The following KCNK1 variants were observed in gnomAD, a reference collection of about 807,000 sequenced individuals.
KCNK1 encodes the protein potassium two pore domain channel subfamily K member 1, also known as potassium channel subfamily K member 1.
A neutral mutation model predicts 22.2 loss-of-function variants in KCNK1; 10 were observed. That is an observed-to-expected ratio of 0.45 (90% CI 0.28 to 0.76). KCNK1 has a LOEUF of 0.76. Ranked by LOEUF, KCNK1 falls within the 30% of genes least tolerant of loss-of-function variation. The pLI is 0.14. For synonymous variants in KCNK1, 200 were observed against 186.4 expected, an observed-to-expected ratio of 1.07 and a Z score of -0.60; for missense variants, 378 against 421.0, an observed-to-expected ratio of 0.90 and a Z score of 0.89.
At chr1:233,635,929 C>T (rs546819369) in intron 1 of KCNK1, among the ~76,000 whole-genome samples, 1 of 152,224 alleles carries the variant, frequency 6.6e-6, no homozygotes, top group East Asian at 1.9e-4. Flanking sequence ...TATACAGTGA[C>T]TTGGGTAGGC....
chr1:233,671,390 G>A lies in KCNK1; in HGVS notation c.871G>A (p.Val291Met). The A allele has an allele frequency of 6.2e-7, 1 of 1,614,192 alleles. No individual in the cohort carries two copies. The highest frequency in any genetic ancestry group is 8.5e-7 in the Non-Finnish European group (1 of 1,180,040). Residue 291 changes from valine to methionine, a missense_variant, in exon 3 of 3, where the codon GTG becomes ATG. By Grantham distance (21) the Val-to-Met change is conservative. Transcript: ENST00000366621. The part of the protein sequence containing the change: ...YVKKDKDEDQ[V>M]HIIEHDQLSF... ...GAAGAAGGACAAGGACGAGGATCAG[G>A]TGCACATCATAGAGCATGACCAACT...
At chr1:233,617,937 GA>G (rs990901063) in intron 1 of KCNK1, among the ~76,000 whole-genome samples, 47 of 150,684 alleles carry the variant, frequency 3.1e-4, no homozygotes, top group Admixed American at 6.6e-4. Context: ...CTTGGAGGGG[GA>G]AAAAAAAAGA....
intron 1 of KCNK1, among the ~76,000 whole-genome samples, chr1:233,640,856 C>T (rs1264648251): frequency 6.6e-6 from 1 of 152,114 alleles, no homozygotes; most frequent in East Asian, 1.9e-4. Flanking sequence ...AGCCTTGTGC[C>T]ACCACACCCA....
rs758571749 is a variant in KCNK1 at position 233,614,201 on chromosome 1, C to T, written c.30C>T (p.Cys10=). The change falls in exon 1 of 3, where the codon TGC becomes TGT. Residue 10 remains cysteine (C), a synonymous_variant. Transcript: ENST00000366621. ...TGCAGTCCCTGGCCGGCAGCTCGTG[C>T]GTGCGCCTGGTGGAGCGGCACCGCT... MLQSLAGSS[C]VRLVERHRSA... The T allele has an allele frequency of 1.1e-5, 17 of 1,608,178 alleles. No individual in the cohort carries two copies. In the Admixed American group the frequency reaches 1.5e-4, roughly 14 times the overall value.
chr1:233,651,843 C>G (rs1035681781), intron 1 of KCNK1, among the ~76,000 whole-genome samples: 6 of 152,182 alleles, frequency 3.9e-5, no homozygotes, highest in Non-Finnish European at 8.8e-5. Flanking sequence ...ATGGCATTGC[C>G]TCATCTCTGG....
At chr1:233,661,281 T>C (rs528380385) in intron 1 of KCNK1, among the ~76,000 whole-genome samples, 177 of 152,292 alleles carry the variant, frequency 1.2e-3, no homozygotes, top group Middle Eastern at 6.8e-3. Context: ...CTGTGGAACT[T>C]GAGTTGTTTG....
At chr1:233,660,940 AT>A (rs1400397550) in intron 1 of KCNK1, among the ~76,000 whole-genome samples, 7 of 152,280 alleles carry the variant, frequency 4.6e-5, no homozygotes, top group Non-Finnish European at 7.4e-5. Context: ...TCAACTTGTT[AT>A]TTGTATGACT....
At chr1:233,653,479 T>C (rs768336908) in intron 1 of KCNK1, among the ~76,000 whole-genome samples, 16 of 152,198 alleles carry the variant, frequency 1.1e-4, no homozygotes, top group Non-Finnish European at 2.1e-4. Flanking sequence ...TCTGGGTGCA[T>C]CTGTGAGGGT....
Position 233,614,120 on chromosome 1 carries a change from G to A in KCNK1, c.-52G>A. On this transcript the variant is annotated 5_prime_UTR_variant, in exon 1 of 3. Transcript: ENST00000366621. The stretch of plus-strand genomic sequence containing the variant: ...GCGGCGGGGCCAGAAGAGGCGGCGG[G>A]CCGCGCTCCGGCCGGTCTGCGGCGT... The A allele has an allele frequency of 1.5e-6, 2 of 1,315,884 alleles. No homozygotes were observed. Among genetic ancestry groups the A allele is most frequent in the Non-Finnish European group, 2.0e-6 (2 of 1,017,560 alleles). 81.5% of individuals were successfully genotyped at this position (1,315,884 alleles called of 1,614,324 possible). A position where few individuals can be genotyped will look rare whatever the true frequency, so the allele number is the denominator to read the frequency against.
Position 233,666,809 on chromosome 1 carries a change from C to G in KCNK1, c.570C>G (p.Val190=). 6.2e-7 allele frequency: 1 copy of G among 1,614,220 alleles called. No homozygotes were observed. Among genetic ancestry groups the G allele is most frequent in the Non-Finnish European group, 8.5e-7 (1 of 1,180,040 alleles). ...AIVHAVLLGF[V]TVSCFFFIPA... The stretch of plus-strand genomic sequence containing the variant: ...TCCATGCCGTGCTCCTTGGGTTTGT[C>G]ACTGTGTCCTGCTTCTTCTTCATCC... The change falls in exon 2 of 3, where the codon GTC becomes GTG. Residue 190 remains valine (V), a synonymous_variant. Coordinates refer to ENST00000366621, the MANE Select transcript of KCNK1 (RefSeq NM_002245.4).
At chr1:233,621,250 C>A (rs1571888316) in intron 1 of KCNK1, among the ~76,000 whole-genome samples, 2 of 152,172 alleles carry the variant, frequency 1.3e-5, no homozygotes, top group South Asian at 4.1e-4. Context: ...ATCTGCAAGC[C>A]AAGAGAGGCC....
At chr1:233,621,610 T>C (rs1657588140) in intron 1 of KCNK1, among the ~76,000 whole-genome samples, 1 of 152,200 alleles carries the variant, frequency 6.6e-6, no homozygotes, top group African/African-American at 2.4e-5. Flanking sequence ...AAGTGTATAA[T>C]AAATTCTAGA....
intron 1 of KCNK1, among the ~76,000 whole-genome samples, chr1:233,619,930 G>T (rs556941191): frequency 1.5e-5 from 2 of 137,786 alleles, no homozygotes; most frequent in Non-Finnish European, 3.2e-5. Flanking sequence ...GGGGCGGGGG[G>T]GCGGGGGGGC....
At position 233,671,593 on chromosome 1, in the gene KCNK1, A is replaced by G. The variant is rs936352534; in HGVS notation, c.*63A>G. On this transcript the variant is annotated 3_prime_UTR_variant, in exon 3 of 3. Transcript: ENST00000366621. The stretch of plus-strand genomic sequence containing the variant: ...CAGGGTGCAAGGAAGAGGCTTAAGT[A>G]TGTTCATTTTTATCAGAATGCAAAA... 5 of 1,571,008 alleles carry G rather than the reference A, an allele frequency of 3.2e-6. No homozygotes were observed. Among genetic ancestry groups the G allele is most frequent in the Non-Finnish European group, 4.3e-6 (5 of 1,152,770 alleles).
chr1:233,650,972 T>C (rs979731268), intron 1 of KCNK1, among the ~76,000 whole-genome samples: 1 of 152,180 alleles, frequency 6.6e-6, no homozygotes, highest in Non-Finnish European at 1.5e-5. Context: ...GGTTTGATTC[T>C]ACAGAGCATC....
chr1:233,617,867 C>A (rs566579654), intron 1 of KCNK1, among the ~76,000 whole-genome samples: 1 of 152,254 alleles, frequency 6.6e-6, no homozygotes. Flanking sequence ...GAGTTTGAGG[C>A]TGCAGTGAGC....
chr1:233,647,240 T>C (rs190153766), intron 1 of KCNK1, among the ~76,000 whole-genome samples: 34 of 152,342 alleles, frequency 2.2e-4, no homozygotes, highest in African/African-American at 7.5e-4. Context: ...TTCCTGGGTA[T>C]GTGTGATGGT....
intron 1 of KCNK1, among the ~76,000 whole-genome samples, chr1:233,615,966 T>G (rs1657482445): frequency 6.6e-6 from 1 of 152,204 alleles, no homozygotes; most frequent in Admixed American, 6.5e-5. Context: ...AATGTAGCGC[T>G]AGACAAGACA....
chr1:233,648,602 T>G (rs1201159149), intron 1 of KCNK1, among the ~76,000 whole-genome samples: 1 of 151,940 alleles, frequency 6.6e-6, no homozygotes, highest in Non-Finnish European at 1.5e-5. Flanking sequence ...TCTCACTCTG[T>G]CACCCAGGCT....
Sources: allele counts gnomAD v4.1 joint callset (sites outside exome capture counted in the v4.1 genomes callset), GRCh38; gene constraint gnomAD v4.1.1; transcripts MANE v1.5; gene names NCBI Gene and HGNC (gene_info 2026-07-23, HGNC 2026-07-21).